The following MARCHF1 variants were observed in gnomAD, a reference collection of about 807,000 sequenced individuals.
MARCHF1 encodes the protein E3 ubiquitin-protein ligase MARCHF1.
MARCHF1 carries 40 observed loss-of-function variants against 54.2 expected under a neutral mutation model. The observed-to-expected ratio is 0.74, with a 90% confidence interval of 0.57 to 0.96. The LOEUF (loss-of-function observed/expected upper bound fraction) is 0.96, where lower values mean the gene tolerates loss of function less well. MARCHF1 is among the 40% of genes least tolerant of loss of function. The pLI is 0.00. For missense variants in MARCHF1, 586 were observed against 656.5 expected, an observed-to-expected ratio of 0.89 and a Z score of 1.17; for synonymous variants, 236 against 236.3, an observed-to-expected ratio of 1.00 and a Z score of 0.01.
intron 2 of MARCHF1, among the ~76,000 whole-genome samples, chr4:164,106,779 T>A (rs13101317): frequency 0.012 from 1,681 of 135,196 alleles, 21 homozygotes; most frequent in African/African-American, 0.016. Context: ...AAATAAAAAA[T>A]AAAAAAAAAA....
intron 4 of MARCHF1, among the ~76,000 whole-genome samples, chr4:163,810,055 A>G (rs183883054): frequency 1.7e-3 from 253 of 152,246 alleles, no homozygotes; most frequent in Non-Finnish European, 3.4e-3. Flanking sequence ...ATTCTTGACC[A>G]CCAAGATACA....
intron 3 of MARCHF1, among the ~76,000 whole-genome samples, chr4:163,876,653 A>G (rs994519359): frequency 6.6e-6 from 1 of 152,144 alleles, no homozygotes; most frequent in African/African-American, 2.4e-5. Flanking sequence ...TCAGGATAGA[A>G]GCAATATTAG....
intron 4 of MARCHF1, among the ~76,000 whole-genome samples, chr4:163,792,252 G>C (rs1181256420): frequency 2.0e-5 from 3 of 152,112 alleles, no homozygotes; most frequent in Non-Finnish European, 4.4e-5. Context: ...TTAGTTGAGA[G>C]AAAATCCCAA....
intron 2 of MARCHF1, among the ~76,000 whole-genome samples, chr4:164,042,577 G>A (rs1422436595): frequency 6.6e-6 from 1 of 152,124 alleles, no homozygotes; most frequent in Non-Finnish European, 1.5e-5. Context: ...TGAGATTTAG[G>A]AGGGGACACA....
At chr4:164,359,789 GT>G (rs1421463468) in intron 1 of MARCHF1, among the ~76,000 whole-genome samples, 1 of 152,042 alleles carries the variant, frequency 6.6e-6, no homozygotes, top group Non-Finnish European at 1.5e-5. Context: ...CCACCTGTAA[GT>G]CCATCTCTCC....
At chr4:164,006,752 A>T in intron 2 of MARCHF1, among the ~76,000 whole-genome samples, 1 of 152,042 alleles carries the variant, frequency 6.6e-6, no homozygotes, top group Admixed American at 6.6e-5. Flanking sequence ...AATAAAATTA[A>T]ATGAGCTCCA....
chr4:163,892,022 CAAAG>C (rs1229478814), intron 3 of MARCHF1, among the ~76,000 whole-genome samples: 4 of 151,224 alleles, frequency 2.6e-5, no homozygotes, highest in Admixed American at 1.3e-4. Context: ...TTAAAAAAAA[CAAAG>C]AACAAATTGA....
intron 1 of MARCHF1, among the ~76,000 whole-genome samples, chr4:164,176,941 G>GCGCTCTCTCTCTCT (rs1440878007): frequency 1.7e-5 from 1 of 58,134 alleles, no homozygotes; most frequent in Non-Finnish European, 4.9e-5. Context: ...TACCTTGTGC[G>GCGCTCTCTCTCTCT]CTCTCTCTCT....
At chr4:163,742,402 CCTT>C (rs1357829826) in intron 4 of MARCHF1, among the ~76,000 whole-genome samples, 4 of 87,394 alleles carry the variant, frequency 4.6e-5, no homozygotes, top group African/African-American at 1.4e-4. Context: ...TTCCTCCCTT[CCTT>C]CCTTCCTTCC....
chr4:164,294,003 T>C (rs1734350111), intron 1 of MARCHF1, among the ~76,000 whole-genome samples: 1 of 152,232 alleles, frequency 6.6e-6, no homozygotes, highest in Non-Finnish European at 1.5e-5. Flanking sequence ...GCGGTTAGAA[T>C]AAAGCAGGCA....
chr4:163,679,611 CA>C (rs2111159282), intron 5 of MARCHF1, among the ~76,000 whole-genome samples: 2 of 145,124 alleles, frequency 1.4e-5, no homozygotes, highest in African/African-American at 5.0e-5. Context: ...TATTTATCTC[CA>C]ATTCTTTTTT....
intron 1 of MARCHF1, among the ~76,000 whole-genome samples, chr4:164,294,776 T>TTG (rs374247366): frequency 6.6e-6 from 1 of 152,276 alleles, no homozygotes; most frequent in African/African-American, 2.4e-5. Flanking sequence ...CCTCAAAAAA[T>TTG]TACAAACAAG....
At chr4:163,636,953 C>T (rs1029919196) in intron 5 of MARCHF1, among the ~76,000 whole-genome samples, 1 of 152,186 alleles carries the variant, frequency 6.6e-6, no homozygotes, top group Admixed American at 6.5e-5. Context: ...ATATCTACAA[C>T]TATCTGATCT....
chr4:163,800,812 T>A (rs1410693720), intron 4 of MARCHF1, among the ~76,000 whole-genome samples: 2 of 152,014 alleles, frequency 1.3e-5, no homozygotes, highest in African/African-American at 4.8e-5. Context: ...AAGGAAAAAA[T>A]CATTGTAAAC....
intron 4 of MARCHF1, among the ~76,000 whole-genome samples, chr4:163,833,611 GA>G (rs1374531886): frequency 2.0e-4 from 31 of 152,200 alleles, no homozygotes; most frequent in Non-Finnish European, 4.0e-4. Context: ...AAAAACACAT[GA>G]AAAAATGCTC....
At chr4:163,553,977 A>T (rs1739201358) in intron 8 of MARCHF1, among the ~76,000 whole-genome samples, 1 of 152,166 alleles carries the variant, frequency 6.6e-6, no homozygotes, top group South Asian at 2.1e-4. Flanking sequence ...ATTCACTTGG[A>T]TTTCTATACA....
chr4:164,343,316 G>C (rs528385437), intron 1 of MARCHF1, among the ~76,000 whole-genome samples: 1 of 152,020 alleles, frequency 6.6e-6, no homozygotes, highest in South Asian at 2.1e-4. Flanking sequence ...TTTTTAAATA[G>C]TCTGTTCACC....
At chr4:164,252,203 T>C (rs1733147972) in intron 1 of MARCHF1, among the ~76,000 whole-genome samples, 1 of 152,180 alleles carries the variant, frequency 6.6e-6, no homozygotes, top group Non-Finnish European at 1.5e-5. Flanking sequence ...TGAATATATC[T>C]AAATATTTGG....
At chr4:163,573,682 T>C (rs1739927336) in intron 8 of MARCHF1, among the ~76,000 whole-genome samples, 1 of 151,982 alleles carries the variant, frequency 6.6e-6, no homozygotes, top group Admixed American at 6.6e-5. Flanking sequence ...ATGGTGTATA[T>C]GTGCCACATT....
Sources: gnomAD v4.1 joint callset for allele counts (sites outside exome capture counted in the v4.1 genomes callset) on GRCh38, gnomAD v4.1.1 for gene constraint, MANE v1.5 for transcripts, NCBI Gene and HGNC (gene_info 2026-07-23, HGNC 2026-07-21) for gene names.